KCNH8: variants seen among roughly 807,000 people sequenced by gnomAD.
The protein encoded by KCNH8 is voltage-gated delayed rectifier potassium channel KCNH8.
A neutral mutation model predicts 103.6 loss-of-function variants in KCNH8; 70 were observed. The ratio of observed to expected loss-of-function variants is 0.68; its 90% confidence interval spans 0.56 to 0.82. The LOEUF is 0.82. Ranked by LOEUF, KCNH8 falls within the 40% of genes least tolerant of loss-of-function variation. KCNH8 has a pLI of 0.00. For missense variants in KCNH8, 1,217 were observed against 1,329.9 expected, an observed-to-expected ratio of 0.92 and a Z score of 1.32; for synonymous variants, 498 against 489.4, an observed-to-expected ratio of 1.02 and a Z score of -0.23.
chr3:19,342,383 T>A (rs915031067), intron 3 of KCNH8, among the ~76,000 whole-genome samples: 14 of 152,254 alleles, frequency 9.2e-5, no homozygotes, highest in African/African-American at 2.2e-4. Context: ...CTTTAATTTT[T>A]AAAAATTAAT....
intron 15 of KCNH8, among the ~76,000 whole-genome samples, chr3:19,528,710 A>AAAAT (rs1383980807): frequency 5.9e-5 from 9 of 152,138 alleles, no homozygotes; most frequent in Non-Finnish European, 1.3e-4. Context: ...ATCATGATAT[A>AAAAT]AAATAATATC....
intron 11 of KCNH8, among the ~76,000 whole-genome samples, chr3:19,501,838 T>A (rs2068590339): frequency 6.6e-6 from 1 of 151,966 alleles, no homozygotes; most frequent in African/African-American, 2.4e-5. Flanking sequence ...GGGCAAAAAC[T>A]GGAAGCATTC....
chr3:19,372,048 T>C (rs1216599206), intron 5 of KCNH8, among the ~76,000 whole-genome samples: 1 of 152,260 alleles, frequency 6.6e-6, no homozygotes, highest in Non-Finnish European at 1.5e-5. Flanking sequence ...GATAGTGTGA[T>C]GCCTCCAGGT....
intron 1 of KCNH8, among the ~76,000 whole-genome samples, chr3:19,188,922 G>A (rs746284192): frequency 4.0e-5 from 6 of 151,768 alleles, no homozygotes; most frequent in Admixed American, 6.6e-5. Context: ...GACTGCAGGC[G>A]TGCATCACTG....
chr3:19,353,338 A>G (rs2065831807), intron 5 of KCNH8, among the ~76,000 whole-genome samples: 1 of 152,204 alleles, frequency 6.6e-6, no homozygotes, highest in African/African-American at 2.4e-5. Flanking sequence ...TTCTGAAACT[A>G]TTCAAATCAA....
At chr3:19,369,889 G>A (rs997973479) in intron 5 of KCNH8, among the ~76,000 whole-genome samples, 4 of 151,908 alleles carry the variant, frequency 2.6e-5, no homozygotes, top group Non-Finnish European at 5.9e-5. Context: ...CATCAGCTCT[G>A]TCTAGACTAC....
At chr3:19,271,440 T>G (rs570186663) in intron 2 of KCNH8, among the ~76,000 whole-genome samples, 2 of 152,252 alleles carry the variant, frequency 1.3e-5, no homozygotes, top group East Asian at 3.9e-4. Context: ...TTTCCTTCAT[T>G]TAACAATGAA....
At chr3:19,419,907 C>T (rs1329800585) in intron 7 of KCNH8, among the ~76,000 whole-genome samples, 1 of 152,046 alleles carries the variant, frequency 6.6e-6, no homozygotes, top group East Asian at 1.9e-4. Flanking sequence ...TATAATGATA[C>T]TTAAAATTTG....
At chr3:19,342,070 A>G (rs946599967) in intron 3 of KCNH8, among the ~76,000 whole-genome samples, 1 of 152,138 alleles carries the variant, frequency 6.6e-6, no homozygotes, top group Non-Finnish European at 1.5e-5. Context: ...TTAACATAGT[A>G]TGCTATTAGC....
chr3:19,479,782 C>T (rs1049361356), intron 11 of KCNH8, among the ~76,000 whole-genome samples: 6 of 152,094 alleles, frequency 3.9e-5, no homozygotes, highest in African/African-American at 1.4e-4. Flanking sequence ...TTTGTGAGTA[C>T]GCTTCATTCA....
intron 5 of KCNH8, among the ~76,000 whole-genome samples, chr3:19,360,413 CCT>C (rs1339372899): frequency 6.6e-6 from 1 of 151,942 alleles, no homozygotes; most frequent in African/African-American, 2.4e-5. Context: ...AATCTTTCTC[CCT>C]GTTTTTATAG....
Position 19,513,253 on chromosome 3 carries a change from A to G in KCNH8, c.2363A>G (p.Lys788Arg), listed in dbSNP as rs1207154010. ...KQEIDPPNHN[K>R]RKEKNLKLQL... ...GAAATTGACCCCCCCAACCATAATA[A>G]AAGGAAAGAGAAGAACTTGAAATTG... Residue 788 changes from lysine to arginine, a missense_variant, in exon 13 of 16, where the codon AAA becomes AGA. Around this residue, in one of 3 missense-constraint regions of KCNH8, gnomAD observed 558 missense variants for 495.8 expected, o/e 1.13. Transcript: ENST00000328405. 6.2e-7 allele frequency: 1 copy of G among 1,613,508 alleles called. No individual in the cohort carries two copies. Among genetic ancestry groups the G allele is most frequent in the South Asian group, 1.1e-5 (1 of 91,026 alleles).
intron 2 of KCNH8, among the ~76,000 whole-genome samples, chr3:19,268,679 G>A (rs915649012): frequency 6.6e-6 from 1 of 152,106 alleles, no homozygotes; most frequent in Non-Finnish European, 1.5e-5. Context: ...CTCAGAGTGT[G>A]ATGTGAAGAC....
chr3:19,248,479 G>A (rs1055950534), intron 1 of KCNH8, among the ~76,000 whole-genome samples: 5 of 152,286 alleles, frequency 3.3e-5, no homozygotes, highest in Non-Finnish European at 7.4e-5. Context: ...AATTTTTAAT[G>A]TATAATCTCT....
chr3:19,254,258 G>T (rs952917684), intron 2 of KCNH8, among the ~76,000 whole-genome samples: 5 of 151,662 alleles, frequency 3.3e-5, no homozygotes, highest in Non-Finnish European at 7.4e-5. Context: ...CAAATTTTAT[G>T]CCTTTAAAGA....
chr3:19,285,792 C>T (rs924086310), intron 3 of KCNH8, among the ~76,000 whole-genome samples: 5 of 151,990 alleles, frequency 3.3e-5, no homozygotes, highest in Admixed American at 1.3e-4. Flanking sequence ...CACTTGCCCT[C>T]GGCAAAGTGC....
intron 4 of KCNH8, chr3:19,346,713 A>G (rs1215733000): frequency 2.2e-6 from 1 of 456,246 alleles, no homozygotes; most frequent in South Asian, 1.6e-5. Flanking sequence ...GTGAGACAAG[A>G]ACACAACATT....
At chr3:19,466,787 G>C (rs35912271) in intron 11 of KCNH8, among the ~76,000 whole-genome samples, 18,863 of 148,650 alleles carry the variant, frequency 0.13, 1,549 homozygotes, top group Middle Eastern at 0.25. Context: ...TCAGCCTCCC[G>C]AGTAGCTGGG....
intron 5 of KCNH8, among the ~76,000 whole-genome samples, chr3:19,377,101 A>G (rs1001136317): frequency 1.3e-5 from 2 of 152,232 alleles, no homozygotes; most frequent in South Asian, 2.1e-4. Context: ...TACATCTGCT[A>G]TGCTAGGCAA....
Sources: gnomAD v4.1 joint callset for allele counts (sites outside exome capture counted in the v4.1 genomes callset) on GRCh38, gnomAD v4.1.1 for gene constraint, gnomAD v4.1.1 regional missense constraint, MANE v1.5 for transcripts, NCBI Gene and HGNC (gene_info 2026-07-23, HGNC 2026-07-21) for gene names.